Variants in IFT88 observed in about 807,000 individuals in gnomAD.
IFT88 encodes intraflagellar transport 88.
A neutral mutation model predicts 119.5 loss-of-function variants in IFT88; 74 were observed. The observed-to-expected ratio is 0.62, with a 90% confidence interval of 0.51 to 0.75. IFT88 has a LOEUF of 0.75. Ranked by LOEUF, IFT88 falls within the 30% of genes least tolerant of loss-of-function variation. The probability of loss-of-function intolerance (pLI) is 0.00; values close to 1 mark genes in which losing one functional copy is unlikely to be tolerated. For synonymous variants in IFT88, 279 were observed against 316.7 expected (o/e 0.88, Z 1.26); for missense variants, 961 against 977.7 (o/e 0.98, Z 0.23).
intron 13 of IFT88, chr13:20,607,234 G>A: frequency 2.5e-6 from 1 of 403,002 alleles, no homozygotes; most frequent in Non-Finnish European, 5.0e-6. Flanking sequence ...GGCCCAGTCT[G>A]CATTCGTCCC....
chr13:20,627,803 G>A (rs2047593347), intron 15 of IFT88, among the ~76,000 whole-genome samples: 1 of 148,808 alleles, frequency 6.7e-6, no homozygotes, highest in Non-Finnish European at 1.5e-5. Flanking sequence ...TGTTCATTAA[G>A]CAATAAACAC....
At chr13:20,648,020 G>T (rs1441763462) in intron 20 of IFT88, among the ~76,000 whole-genome samples, 1 of 152,136 alleles carries the variant, frequency 6.6e-6, no homozygotes, top group African/African-American at 2.4e-5. Flanking sequence ...AACCTTGGAG[G>T]CCAGAAAGCA....
chr13:20,654,516 T>G (rs1326917881), intron 21 of IFT88, among the ~76,000 whole-genome samples: 1 of 152,210 alleles, frequency 6.6e-6, no homozygotes, highest in African/African-American at 2.4e-5. Flanking sequence ...GAGAGAAATG[T>G]GAACAAATTT....
intron 5 of IFT88, 30 bp from the exon 6 acceptor site, chr13:20,591,588 A>C: frequency 6.5e-7 from 1 of 1,539,660 alleles, no homozygotes; most frequent in African/African-American, 1.4e-5. Context: ...GATCTTATTT[A>C]AGAATAAATG....
chr13:20,646,213 C>G (rs1423335929), intron 20 of IFT88, among the ~76,000 whole-genome samples: 1 of 152,146 alleles, frequency 6.6e-6, no homozygotes, highest in Non-Finnish European at 1.5e-5. Flanking sequence ...CTCCCTAACT[C>G]CATTGATCTT....
chr13:20,594,921 A>G (rs1189463847), intron 7 of IFT88, among the ~76,000 whole-genome samples: 2 of 152,220 alleles, frequency 1.3e-5, no homozygotes, highest in East Asian at 3.8e-4. Flanking sequence ...ACTACTATCT[A>G]TTCTGATATA....
In IFT88 at chr13:20,601,971, C is replaced by T. The variant is rs201080291; in HGVS notation, c.1041+38C>T. The stretch of plus-strand genomic sequence containing the variant: ...AAGACATTTCTGTAGCCACTTCCCA[C>T]TTATCTGTGCTTTTCTGTTTTCAGA... On this transcript the variant is annotated intron_variant, in intron 12 of 25. Coordinates refer to ENST00000351808, the MANE Select transcript of IFT88 (RefSeq NM_006531.5). The T allele has an allele frequency of 5.3e-5, 59 of 1,120,916 alleles. No homozygotes were observed. In the East Asian group the frequency reaches 1.2e-3, roughly 23 times the overall value. 69.4% of individuals were successfully genotyped at this position (1,120,916 alleles called of 1,614,324 possible). A position where few individuals can be genotyped will look rare whatever the true frequency, so the allele number is the denominator to read the frequency against.
intron 14 of IFT88, among the ~76,000 whole-genome samples, chr13:20,622,538 G>A (rs1380755357): frequency 3.3e-5 from 5 of 152,126 alleles, no homozygotes; most frequent in Non-Finnish European, 5.9e-5. Flanking sequence ...GCGTATGGTG[G>A]CGTCCCATTG....
chr13:20,604,980 G>A (rs2043181555), intron 12 of IFT88, 55 bp from the exon 13 acceptor site: 12 of 891,388 alleles, frequency 1.3e-5, no homozygotes, highest in Non-Finnish European at 2.2e-5. Flanking sequence ...CAAAAATTAA[G>A]TTCTTGCTGT....
chr13:20,631,417 G>A (rs1156360494), intron 16 of IFT88: 1 of 237,146 alleles, frequency 4.2e-6, no homozygotes, highest in Non-Finnish European at 8.4e-6. Flanking sequence ...GGTAAAGAAA[G>A]TGACATCTTA....
intron 21 of IFT88, among the ~76,000 whole-genome samples, chr13:20,655,455 CA>C (rs113356300): frequency 0.22 from 31,345 of 145,446 alleles, 3,795 homozygotes; most frequent in African/African-American, 0.32. Flanking sequence ...AAAAAAAAAA[CA>C]AAAAAAACCA....
intron 9 of IFT88, among the ~76,000 whole-genome samples, chr13:20,597,987 A>T (rs1209644479): frequency 2.6e-5 from 4 of 151,900 alleles, no homozygotes; most frequent in African/African-American, 9.7e-5. Flanking sequence ...TTCTAGCAAC[A>T]TTTATTTAAT....
At chr13:20,625,651 A>T in intron 14 of IFT88, 99 bp from the exon 15 acceptor site, 2 of 724,460 alleles carry the variant, frequency 2.8e-6, no homozygotes, top group Non-Finnish European at 4.7e-6. Context: ...AGTACTAGGG[A>T]CCCTTTAAAA....
In IFT88 at chr13:20,614,884, C is replaced by T. The variant is rs150441314; in HGVS notation, c.1113-909C>T. On this transcript the variant is annotated intron_variant, in intron 13 of 25. Coordinates refer to ENST00000351808, the MANE Select transcript of IFT88 (RefSeq NM_006531.5). ...AGGCTGGAGTGCAGTGGCCCGATCT[C>T]CGCTCACCGCAAGCTCCGCATCCCA... Among the ~76,000 whole-genome samples, 283 of 149,802 alleles carry T rather than the reference C, an allele frequency of 1.9e-3. 1 individual carries two copies. The highest frequency in any genetic ancestry group is 0.015 in the East Asian group (78 of 5,036).
intron 13 of IFT88, among the ~76,000 whole-genome samples, chr13:20,609,745 A>AAAAC (rs1344285298): frequency 2.7e-5 from 4 of 150,834 alleles, no homozygotes; most frequent in Non-Finnish European, 4.4e-5. Flanking sequence ...CTCTGTCTCA[A>AAAAC]AAACAAACAA....
intron 2 of IFT88, among the ~76,000 whole-genome samples, chr13:20,576,443 G>C (rs2037397130): frequency 6.6e-6 from 1 of 152,142 alleles, no homozygotes; most frequent in Non-Finnish European, 1.5e-5. Context: ...TCTTTGCCCA[G>C]TCCAGTGTCC....
chr13:20,591,586 T>TTAAGAA, intron 5 of IFT88, 32 bp from the exon 6 acceptor site: 1 of 1,529,498 alleles, frequency 6.5e-7, no homozygotes. Flanking sequence ...TAGATCTTAT[T>TTAAGAA]TAAGAATAAA....
rs1005212284 is a variant in IFT88, at chr13:20,568,088, C to T, written c.-7+832C>T. 3.2e-5 allele frequency: 22 copies of T among 696,306 alleles called. No individual in the cohort carries two copies. The African/African-American group carries it at 3.5e-4, about 11-fold the overall frequency. 43.1% of individuals were successfully genotyped at this position (696,306 alleles called of 1,614,324 possible). On this transcript the variant is annotated intron_variant, in intron 1 of 25. Transcript: ENST00000351808. ...ATTTGTGTTGGGCCACATTCAAAGC[C>T]GTCCTGTGCCACGTGCGGGCCGGGG...
intron 20 of IFT88, among the ~76,000 whole-genome samples, chr13:20,649,519 A>G (rs1023075960): frequency 7.9e-5 from 12 of 152,178 alleles, no homozygotes; most frequent in African/African-American, 2.4e-4. Flanking sequence ...AGGGAAATTT[A>G]TATCTGTAAG....
Sources: allele counts gnomAD v4.1 joint callset (sites outside exome capture counted in the v4.1 genomes callset), GRCh38; gene constraint gnomAD v4.1.1; transcripts MANE v1.5; gene names NCBI Gene and HGNC (gene_info 2026-07-23, HGNC 2026-07-21).